The following TCEAL4 variants were observed in gnomAD, a reference collection of about 807,000 sequenced individuals.
TCEAL4 encodes the protein transcription elongation factor A protein-like 4.
TCEAL4 carries 1 observed loss-of-function variant against 1.3 expected under a neutral mutation model. That is an observed-to-expected ratio of 0.79 (90% CI 0.28 to 3.76). TCEAL4 has a LOEUF of 3.76. Ranked by LOEUF, TCEAL4 falls within the 30% of genes most tolerant of loss-of-function variation. TCEAL4 has a pLI of 0.18. For missense variants in TCEAL4, 129 were observed against 154.7 expected, an observed-to-expected ratio of 0.83 and a Z score of 0.88; for synonymous variants, 54 against 50.7, an observed-to-expected ratio of 1.06 and a Z score of -0.28.
exon 2 of TCEAL4, chrX:103,577,095 G>C (rs1188803989): frequency 5.1e-6 from 6 of 1,166,604 alleles, no homozygotes; most frequent in Non-Finnish European, 6.9e-6. Context: ...TAGTCGCAGG[G>C]CCTCCCAAAT....
chrX:103,584,291 A>C (rs2073523345), upstream of TCEAL4, among the ~76,000 whole-genome samples: 1 of 111,891 alleles, frequency 8.9e-6, no homozygotes, highest in South Asian at 3.7e-4. Context: ...AACATATTCA[A>C]TAAGAGCAGG....
chrX:103,579,321 G>A (rs2073497327), intron 2 of TCEAL4, among the ~76,000 whole-genome samples: 1 of 112,355 alleles, frequency 8.9e-6, no homozygotes. Flanking sequence ...ACCAATTTCT[G>A]CAAAGAAGCC....
At chrX:103,579,127 A>G (rs1603157938) in intron 2 of TCEAL4, among the ~76,000 whole-genome samples, 1 of 112,547 alleles carries the variant, frequency 8.9e-6, no homozygotes, top group African/African-American at 3.2e-5. Flanking sequence ...GCACAACTGT[A>G]GGTATGAGGG....
At chrX:103,577,155 G>A in exon 2 of TCEAL4, 1 of 1,167,069 alleles carries the variant, frequency 8.6e-7, no homozygotes, top group Non-Finnish European at 1.1e-6. Flanking sequence ...GAATGGAAAG[G>A]TCACATATCA....
Position 103,585,638 on chromosome X carries a change from C to T in TCEAL4, c.-101+14C>T. On this transcript the variant is annotated intron_variant, in intron 1 of 2. Coordinates refer to ENST00000472484, the MANE Select transcript of TCEAL4 (RefSeq NM_001006935.3). The stretch of plus-strand genomic sequence containing the variant: ...AGCTTCTTCCAGGTCAGTGTGCGGG[C>T]CTTCCACGCTGCCAGCGGAACACTG... 8.6e-7 allele frequency: 1 copy of T among 1,165,703 alleles called. No individual in the cohort carries two copies. Among genetic ancestry groups the T allele is most frequent in the South Asian group, 1.9e-5 (1 of 52,585 alleles).
At chrX:103,578,379 A>G (rs1426652225) in intron 2 of TCEAL4, among the ~76,000 whole-genome samples, 1 of 112,139 alleles carries the variant, frequency 8.9e-6, no homozygotes, top group African/African-American at 3.2e-5. Context: ...TTGTTGCGTC[A>G]TAAGGTAATG....
chrX:103,586,275 G>C lies in TCEAL4; in HGVS notation c.-44G>C. ...GAAGCCTGAAAAGGAGGAGCAACCT[G>C]TCCAGAATCCCCGCAGGTCCGTGAA... On this transcript the variant is annotated 5_prime_UTR_variant, in exon 2 of 3. Coordinates refer to ENST00000472484, the MANE Select transcript of TCEAL4 (RefSeq NM_001006935.3). The C allele has an allele frequency of 8.6e-7, 1 of 1,166,743 alleles. No individual in the cohort carries two copies. Among genetic ancestry groups the C allele is most frequent in the Non-Finnish European group, 1.1e-6 (1 of 873,061 alleles).
chrX:103,585,411 G>A (rs2073530755), upstream of TCEAL4: 4 of 996,429 alleles, frequency 4.0e-6, no homozygotes, highest in South Asian at 1.2e-4. Context: ...GCCCAGGGAG[G>A]TAAGAGGGTA....
upstream of TCEAL4, among the ~76,000 whole-genome samples, chrX:103,582,925 T>C (rs1233663214): frequency 9.8e-5 from 11 of 111,800 alleles, no homozygotes; most frequent in Admixed American, 1.0e-3. Flanking sequence ...ACAAAACTCA[T>C]CAGAGTGAAC....
exon 1 of TCEAL4, chrX:103,576,493 G>A (rs756583835): frequency 3.8e-5 from 44 of 1,159,998 alleles, no homozygotes; most frequent in Middle Eastern, 4.8e-4. Flanking sequence ...GCCAGGCGCC[G>A]CAGCTCACGC....
exon 2 of TCEAL4, chrX:103,577,209 C>T: frequency 8.6e-7 from 1 of 1,165,136 alleles, no homozygotes. Context: ...AAATCTCTTC[C>T]CCAGGTAAAT....
In TCEAL4 at chrX:103,587,364, T is replaced by TAG. The variant is rs766851210; in HGVS notation, c.*42_*43insGA. 1.2e-5 allele frequency: 14 copies of TAG among 1,133,397 alleles called. No individual in the cohort carries two copies. The South Asian group carries it at 3.2e-4, about 26-fold the overall frequency. The allele number at this position is 1,133,397 out of a possible 1,213,427, so 93.4% of individuals were successfully genotyped here. On this transcript the variant is annotated 3_prime_UTR_variant, in exon 3 of 3. Coordinates refer to ENST00000472484, the MANE Select transcript of TCEAL4 (RefSeq NM_001006935.3). ...TTTACCAGGCCATGTGCTTTAACGT[T>TAG]ACGGTAATACTTTACTTTAGGCATC...
At position 103,579,908 on chromosome X, in the gene TCEAL4, C is replaced by T. The variant is rs139266117; in HGVS notation, c.183+2695C>T. Among the ~76,000 whole-genome samples, 980 of 112,297 alleles carry T rather than the reference C, an allele frequency of 8.7e-3. 12 individuals are homozygous for T. Among genetic ancestry groups the T allele is most frequent in the African/African-American group, 0.029 (907 of 30,926 alleles). Reference sequence around the variant, plus strand: ...TGATCAGAAATGTTTCCCTATCACACACTAAAAACTTGTATATTTGGGTGT... The same window carrying T: ...TGATCAGAAATGTTTCCCTATCACATACTAAAAACTTGTATATTTGGGTGT... On this transcript the variant is annotated intron_variant, in intron 2 of 4. Transcript: ENST00000372629.
intron 1 of TCEAL4, 150 bp from the exon 2 acceptor site, chrX:103,586,069 C>A (rs2073542434): frequency 3.7e-6 from 4 of 1,089,136 alleles, no homozygotes; most frequent in Non-Finnish European, 4.8e-6. Context: ...ATTTGGTGCC[C>A]GAGGCCTGGA....
At chrX:103,581,653 C>T (rs190394258), upstream of TCEAL4, among the ~76,000 whole-genome samples, 97 of 111,684 alleles carry the variant, frequency 8.7e-4, no homozygotes, top group African/African-American at 2.8e-3. Flanking sequence ...ACATGATTAT[C>T]GCAATAGATG....
intron 2 of TCEAL4, among the ~76,000 whole-genome samples, chrX:103,580,356 A>AT (rs893688248): frequency 4.5e-5 from 5 of 112,130 alleles, no homozygotes; most frequent in Admixed American, 1.9e-4. Flanking sequence ...GTGCTGTTCC[A>AT]TTTTTTTTAA....
Position 103,587,389 on chromosome X carries a change from C to G in TCEAL4, c.*66C>G, listed in dbSNP as rs1028331229. ...TACGGTAATACTTTACTTTAGGCAT[C>G]CCTCCTGTTGCTAGCAGCCTTTTGA... On this transcript the variant is annotated 3_prime_UTR_variant, in exon 3 of 3. Coordinates refer to ENST00000472484, the MANE Select transcript of TCEAL4 (RefSeq NM_001006935.3). The G allele has an allele frequency of 9.0e-7, 1 of 1,106,378 alleles. No homozygotes were observed. Among genetic ancestry groups the G allele is most frequent in the Admixed American group, 3.2e-5 (1 of 31,545 alleles). 91.2% of individuals were successfully genotyped at this position (1,106,378 alleles called of 1,213,427 possible). A position where few individuals can be genotyped will look rare whatever the true frequency, so the allele number is the denominator to read the frequency against.
intron 1 of TCEAL4, 33 bp downstream of exon 1, chrX:103,585,657 A>C: frequency 8.6e-7 from 1 of 1,165,387 alleles, no homozygotes; most frequent in Non-Finnish European, 1.1e-6. Context: ...CTGCCAGCGG[A>C]ACACTGGAAT....
rs1353893646 is a variant in TCEAL4 at position 103,578,029 on chromosome X, T to C, written c.183+816T>C. ...CCCACCCCTAGCCCTATGCTACTAC[T>C]AATTTACCTTCTGTCTCTATGGATA... On this transcript the variant is annotated intron_variant, in intron 2 of 4. Transcript: ENST00000372629. 1.2e-4 allele frequency among the ~76,000 whole-genome samples: 13 copies of C among 112,041 alleles called. No individual in the cohort carries two copies. In the East Asian group the frequency reaches 3.6e-3, roughly 31 times the overall value.
Sources: allele counts gnomAD v4.1 joint callset (sites outside exome capture counted in the v4.1 genomes callset), GRCh38; gene constraint gnomAD v4.1.1; transcripts MANE v1.5; gene names NCBI Gene and HGNC (gene_info 2026-07-23, HGNC 2026-07-21).